Variants in RPS6KA1 observed in about 807,000 individuals in gnomAD.
RPS6KA1 encodes the protein ribosomal protein S6 kinase alpha-1.
RPS6KA1 carries 48 observed loss-of-function variants against 91.3 expected under a neutral mutation model. The ratio of observed to expected loss-of-function variants is 0.53; its 90% CI spans 0.42 to 0.67. The LOEUF (loss-of-function observed/expected upper bound fraction) is 0.67. Ranked by LOEUF, RPS6KA1 falls within the 30% of genes least tolerant of loss-of-function variation. The pLI is 0.00. For synonymous variants in RPS6KA1, 359 were observed against 384.7 expected (o/e 0.93, Z 0.78); for missense variants, 719 against 960.5 (o/e 0.75, Z 3.32).
chr1:26,538,253 C>T (rs1204694405), intron 2 of RPS6KA1, among the ~76,000 whole-genome samples: 1 of 152,190 alleles, frequency 6.6e-6, no homozygotes, highest in Non-Finnish European at 1.5e-5. Flanking sequence ...AAGTAGCTAC[C>T]TCTTGTTGCC....
rs2076244632 is a variant in RPS6KA1 at position 26,571,008 on chromosome 1, A to G, written c.1591-441A>G. ...CATGGCGGCGGGTGCCTGTAATCCC[A>G]GCTACTTGGGAGCTGAGGCAGGAGA... is the stretch of plus-strand genomic sequence containing the variant. On this transcript the variant is annotated intron_variant, in intron 17 of 21. Transcript: ENST00000374168. This position sits in a 1 kb window ranked among gnomAD's most constrained non-coding sequence, Gnocchi z 5.1. Among the ~76,000 whole-genome samples the G allele has an allele frequency of 7.6e-6, 1 of 131,368 alleles. No individual in the cohort carries two copies. The highest frequency in any genetic ancestry group is 1.6e-5 in the Non-Finnish European group (1 of 63,222). The allele number at this position is 131,368 out of a possible 152,430, so 86.2% of individuals were successfully genotyped here.
intron 2 of RPS6KA1, among the ~76,000 whole-genome samples, chr1:26,541,701 G>T (rs565818033): frequency 6.6e-6 from 1 of 152,382 alleles, no homozygotes; most frequent in East Asian, 1.9e-4. Flanking sequence ...CTCCTCACCT[G>T]CCTGGAGGCA....
At chr1:26,552,939 C>A in intron 6 of RPS6KA1, 1 of 317,752 alleles carries the variant, frequency 3.1e-6, no homozygotes, top group Non-Finnish European at 6.2e-6. Context: ...TCCCATGTTT[C>A]TTTTGCAAAC....
intron 1 of RPS6KA1, among the ~76,000 whole-genome samples, chr1:26,535,882 G>A (rs1461457419): frequency 3.9e-5 from 6 of 152,108 alleles, no homozygotes; most frequent in Non-Finnish European, 8.8e-5. Context: ...CAGGCGCAGT[G>A]GCTCACACCT....
Position 26,561,417 on chromosome 1 carries a change from G to A in RPS6KA1, c.1432-88G>A, listed in dbSNP as rs911082542. Reference sequence around the variant, plus strand: ...AGCAGAACACCTGCCCAAGGCTCATGTCATTCTTCCCTGCTCTGGGGCGCT... The same window carrying A: ...AGCAGAACACCTGCCCAAGGCTCATATCATTCTTCCCTGCTCTGGGGCGCT... On this transcript the variant is annotated intron_variant, in intron 16 of 21. Coordinates refer to ENST00000374168, the MANE Select transcript of RPS6KA1 (RefSeq NM_002953.4). This position sits in a 1 kb window ranked among gnomAD's most constrained non-coding sequence, Gnocchi z 5.7. 6.4e-7 allele frequency: 1 copy of A among 1,553,204 alleles called. No homozygotes were observed. The highest frequency in any genetic ancestry group is 1.4e-5 in the African/African-American group (1 of 73,692).
chr1:26,534,714 A>AG (rs2075893955), intron 1 of RPS6KA1, among the ~76,000 whole-genome samples: 1 of 152,172 alleles, frequency 6.6e-6, no homozygotes, highest in Non-Finnish European at 1.5e-5. Context: ...CATTTCACAG[A>AG]TGAGGAAACT....
At chr1:26,537,493 A>C (rs2075915647) in intron 2 of RPS6KA1, among the ~76,000 whole-genome samples, 1 of 152,066 alleles carries the variant, frequency 6.6e-6, no homozygotes, top group African/African-American at 2.4e-5. Flanking sequence ...CACCCCTGCT[A>C]TCTCTGCTTC....
chr1:26,538,381 C>T (rs1352223014), intron 2 of RPS6KA1, among the ~76,000 whole-genome samples: 1 of 152,188 alleles, frequency 6.6e-6, no homozygotes, highest in Admixed American at 6.5e-5. Flanking sequence ...GTGCTGAGTA[C>T]AGCTTCTCAC....
At position 26,556,725 on chromosome 1, in the gene RPS6KA1, G is replaced by T; in HGVS notation, c.981+7G>T. On this transcript the variant is annotated splice_region_variant and intron_variant, in intron 12 of 21. Transcript: ENST00000374168. ...CTCCACCATTGACTGGAATGTGAGT[G>T]TGTCCACCCACACCAGGGCTCTGGC... is the stretch of plus-strand genomic sequence containing the variant. 1 of 1,614,074 alleles carries T rather than the reference G, an allele frequency of 6.2e-7. No homozygotes were observed. Among genetic ancestry groups the T allele is most frequent in the Non-Finnish European group, 8.5e-7 (1 of 1,179,934 alleles).
rs750713510 is a variant in RPS6KA1, at chr1:26,560,752, T to C, written c.1242T>C (p.Phe414=). 4.3e-6 allele frequency: 7 copies of C among 1,614,084 alleles called. No homozygotes were observed. The East Asian group carries it at 1.3e-4, about 31-fold the overall frequency. The change falls in exon 15 of 22, where the codon TTT becomes TTC. Residue 414 remains phenylalanine, a synonymous_variant. Coordinates refer to ENST00000374168, the MANE Select transcript of RPS6KA1 (RefSeq NM_002953.4). ...AACTCCATGGGAAGAACCTGGTTTTTAGTGACGGCTACGTGGTAAAGGAGA... is the reference window on the plus strand; with the variant it reads ...AACTCCATGGGAAGAACCTGGTTTTCAGTGACGGCTACGTGGTAAAGGAGA... The part of the protein sequence containing the change: ...VQQLHGKNLV[F]SDGYVVKETI...
At chr1:26,563,608 T>G (rs1245220252) in intron 17 of RPS6KA1, among the ~76,000 whole-genome samples, 1 of 152,236 alleles carries the variant, frequency 6.6e-6, no homozygotes, top group Non-Finnish European at 1.5e-5. Flanking sequence ...TTGTTAAATG[T>G]GTACACCCAT....
At chr1:26,541,178 G>A (rs1570424311) in intron 2 of RPS6KA1, among the ~76,000 whole-genome samples, 1 of 151,300 alleles carries the variant, frequency 6.6e-6, no homozygotes, top group East Asian at 1.9e-4. Flanking sequence ...TGGGAGGATC[G>A]CTTGAGCCCA....
At chr1:26,534,448 CT>C (rs2124612180) in intron 1 of RPS6KA1, among the ~76,000 whole-genome samples, 1 of 152,194 alleles carries the variant, frequency 6.6e-6, no homozygotes, top group Admixed American at 6.5e-5. Flanking sequence ...GAATTCAGTC[CT>C]GATAAAAGAT....
At chr1:26,553,659 A>T in intron 7 of RPS6KA1, 162 bp downstream of exon 7, 1 of 464,484 alleles carries the variant, frequency 2.2e-6, no homozygotes, top group Non-Finnish European at 4.0e-6. Context: ...CCAGCTGCCC[A>T]GTCACTAATG....
chr1:26,559,798 A>G (rs1054347373), intron 14 of RPS6KA1, among the ~76,000 whole-genome samples: 1 of 152,158 alleles, frequency 6.6e-6, no homozygotes, highest in African/African-American at 2.4e-5. Context: ...TAATACATGT[A>G]AAGTTCATGT....
chr1:26,550,473 C>T (rs996298450), intron 4 of RPS6KA1, among the ~76,000 whole-genome samples: 5 of 151,936 alleles, frequency 3.3e-5, no homozygotes, highest in African/African-American at 1.2e-4. Flanking sequence ...TGAGCCACCA[C>T]GCCTGGTCCC....
Position 26,554,561 on chromosome 1 carries a change from T to C in RPS6KA1, c.614-35T>C, listed in dbSNP as rs1256393401. On this transcript the variant is annotated intron_variant, in intron 8 of 21. Coordinates refer to ENST00000374168, the MANE Select transcript of RPS6KA1 (RefSeq NM_002953.4). The surrounding 1 kb of genome is among the most constrained non-coding windows in gnomAD (Gnocchi z 4.6). The stretch of plus-strand genomic sequence containing the variant: ...AGGGTGGCAGCAAGGAAGGCAGGGG[T>C]CCTAAGGTGTGTCCTCCTGCCCTCC... 5 of 1,591,382 alleles carry C rather than the reference T, an allele frequency of 3.1e-6. No individual in the cohort carries two copies. The highest frequency in any genetic ancestry group is 3.4e-6 in the Non-Finnish European group (4 of 1,164,600).
Position 26,559,041 on chromosome 1 carries a change from G to C in RPS6KA1, c.1215+104G>C, listed in dbSNP as rs931370349. On this transcript the variant is annotated intron_variant, in intron 14 of 21. Coordinates refer to ENST00000374168, the MANE Select transcript of RPS6KA1 (RefSeq NM_002953.4). Reference sequence around the variant, plus strand: ...ACCAGGTTCATACCCTCATGCCACTGTGGGACCAGTAGGGCCTCCAACATA... The same window carrying C: ...ACCAGGTTCATACCCTCATGCCACTCTGGGACCAGTAGGGCCTCCAACATA... 2.1e-6 allele frequency: 3 copies of C among 1,395,648 alleles called. No individual in the cohort carries two copies. The African/African-American group carries it at 4.3e-5, about 20-fold the overall frequency. 86.5% of individuals were successfully genotyped at this position (1,395,648 alleles called of 1,614,324 possible).
chr1:26,564,509 C>T (rs1483923064), intron 17 of RPS6KA1, among the ~76,000 whole-genome samples: 3 of 152,164 alleles, frequency 2.0e-5, no homozygotes, highest in Non-Finnish European at 4.4e-5. Flanking sequence ...CTGCCCGCCT[C>T]GGCCTCCCAA....
Sources: gnomAD v4.1 joint callset for allele counts (sites outside exome capture counted in the v4.1 genomes callset) on GRCh38, gnomAD v4.1.1 for gene constraint, Gnocchi (gnomAD v3.1) non-coding constraint, MANE v1.5 for transcripts, NCBI Gene and HGNC (gene_info 2026-07-23, HGNC 2026-07-21) for gene names.